The following BMERB1 variants were observed in gnomAD, a reference collection of about 807,000 sequenced individuals.
BMERB1 encodes the protein bMERB domain containing 1.
In BMERB1, 12 loss-of-function variants were observed where a neutral mutation model predicts 23.6. The observed-to-expected ratio is 0.51, with a 90% CI of 0.33 to 0.82. The LOEUF is 0.82. BMERB1 is among the 40% of genes least tolerant of loss of function. The pLI is 0.03. For missense variants in BMERB1, 247 were observed against 255.4 expected (o/e 0.97, Z 0.22); for synonymous variants, 122 against 96.6 (o/e 1.26, Z -1.54).
At position 15,434,597 on chromosome 16, in the gene BMERB1, G is replaced by C. The variant is rs980840071; in HGVS notation, c.-57G>C. On this transcript the variant is annotated 5_prime_UTR_variant, in exon 1 of 6. Coordinates refer to ENST00000300006, the MANE Select transcript of BMERB1 (RefSeq NM_033201.3). The stretch of plus-strand genomic sequence containing the variant: ...GGCTGGAGCCACCTCCCTCCCTGCA[G>C]CCCGCAACGGGAATGGAGTAAAGGG... 2.0e-6 allele frequency: 3 copies of C among 1,528,532 alleles called. No homozygotes were observed. Among genetic ancestry groups the C allele is most frequent in the Non-Finnish European group, 2.7e-6 (3 of 1,103,094 alleles). 94.7% of individuals were successfully genotyped at this position (1,528,532 alleles called of 1,614,324 possible).
intron 1 of BMERB1, among the ~76,000 whole-genome samples, chr16:15,509,330 G>GA (rs933544723): frequency 4.8e-5 from 7 of 146,914 alleles, no homozygotes; most frequent in African/African-American, 1.6e-4. Context: ...GGAGTGGAAG[G>GA]GGGGTGGGGG....
intron 3 of BMERB1, among the ~76,000 whole-genome samples, chr16:15,578,099 C>T (rs2030916319): frequency 6.6e-6 from 1 of 152,226 alleles, no homozygotes; most frequent in South Asian, 2.1e-4. Context: ...CTCATGGCTG[C>T]CTGGCTACCT....
chr16:15,561,793 T>C (rs889542703), intron 2 of BMERB1, among the ~76,000 whole-genome samples: 1 of 152,176 alleles, frequency 6.6e-6, no homozygotes, highest in Non-Finnish European at 1.5e-5. Context: ...CTTGGAAGGC[T>C]GAGGCAGGCA....
rs1245220009 is a variant in BMERB1, at chr16:15,575,975, C to T, written c.305-5242C>T. ...TTTGATTTAGTTCTAGGAAGTTGGC[C>T]CTAGGTTCCCTGCCTCCAGACCATA... On this transcript the variant is annotated intron_variant, in intron 3 of 5. Transcript: ENST00000300006. 2.0e-5 allele frequency among the ~76,000 whole-genome samples: 3 copies of T among 151,278 alleles called. No individual in the cohort carries two copies. In the East Asian group the frequency reaches 5.8e-4, roughly 29 times the overall value.
At chr16:15,572,366 CA>C (rs2030751442) in intron 3 of BMERB1, among the ~76,000 whole-genome samples, 2 of 152,314 alleles carry the variant, frequency 1.3e-5, no homozygotes, top group Admixed American at 1.3e-4. Context: ...CTTTCGTGAG[CA>C]TTTACTAGGT....
chr16:15,488,256 T>C (rs568392507), intron 1 of BMERB1, among the ~76,000 whole-genome samples: 1 of 152,342 alleles, frequency 6.6e-6, no homozygotes, highest in Non-Finnish European at 1.5e-5. Flanking sequence ...TCTGAATTTT[T>C]TGCAGTTTTC....
intron 2 of BMERB1, among the ~76,000 whole-genome samples, chr16:15,561,549 G>A (rs2030422383): frequency 6.6e-6 from 1 of 151,972 alleles, no homozygotes; most frequent in African/African-American, 2.4e-5. Context: ...GATTACAGGT[G>A]TGAGCCACCC....
intron 1 of BMERB1, among the ~76,000 whole-genome samples, chr16:15,512,196 G>A (rs1488152123): frequency 6.6e-6 from 1 of 151,994 alleles, no homozygotes; most frequent in Non-Finnish European, 1.5e-5. Context: ...GACACATCAC[G>A]GGGTAGGTAA....
At chr16:15,585,608 G>T (rs1024512499) in intron 5 of BMERB1, among the ~76,000 whole-genome samples, 1 of 152,160 alleles carries the variant, frequency 6.6e-6, no homozygotes, top group African/African-American at 2.4e-5. Context: ...AAGGTGGGCA[G>T]ATCATGAGGT....
At chr16:15,500,798 C>T (rs545771446) in intron 1 of BMERB1, among the ~76,000 whole-genome samples, 9 of 152,198 alleles carry the variant, frequency 5.9e-5, no homozygotes, top group South Asian at 2.1e-4. Context: ...ATGACAGGCA[C>T]GTGCCACCAG....
intron 2 of BMERB1, among the ~76,000 whole-genome samples, chr16:15,565,499 C>G (rs1201662481): frequency 1.3e-5 from 2 of 152,212 alleles, no homozygotes; most frequent in Non-Finnish European, 2.9e-5. Context: ...GCTTGGTCTT[C>G]TTTGCTGTTG....
Position 15,468,162 on chromosome 16 carries a change from T to TTTTTTTTTTC in BMERB1, c.106+33404_106+33405insTTTTTTTTCT, listed in dbSNP as rs57267276. 1.2e-4 allele frequency among the ~76,000 whole-genome samples: 8 copies of TTTTTTTTTTC among 64,552 alleles called. 1 individual carries two copies. Among genetic ancestry groups the TTTTTTTTTTC allele is most frequent in the Non-Finnish European group, 1.9e-4 (6 of 32,168 alleles). 42.3% of individuals were successfully genotyped at this position (64,552 alleles called of 152,430 possible). ...TTTTTTTTTTTTTTTTTTTTTTTTTTTGAGGCAGGGTCTCAGTCTGTCACC... is the reference window on the plus strand; with the variant it reads ...TTTTTTTTTTTTTTTTTTTTTTTTTTTTTTTTTTTCTGAGGCAGGGTCTCAGTCTGTCACC... On this transcript the variant is annotated intron_variant, in intron 1 of 5. Coordinates refer to ENST00000300006, the MANE Select transcript of BMERB1 (RefSeq NM_033201.3).
chr16:15,553,593 G>A (rs998479547), intron 2 of BMERB1, among the ~76,000 whole-genome samples: 5 of 152,198 alleles, frequency 3.3e-5, no homozygotes, highest in African/African-American at 9.6e-5. Flanking sequence ...CGTTCCAATA[G>A]CATGTTATTC....
rs748229986 is a variant in BMERB1 at position 15,586,863 on chromosome 16, C to A, written c.*34C>A. ...TGGGGTGCCCTGGGCCATGGGGACC[C>A]CCCCCCACCCTCTTGTCTTTATAGC... On this transcript the variant is annotated 3_prime_UTR_variant, in exon 6 of 6. Transcript: ENST00000300006. The A allele has an allele frequency of 3.6e-5, 49 of 1,353,124 alleles. No homozygotes were observed. Among genetic ancestry groups the A allele is most frequent in the Non-Finnish European group, 4.8e-5 (47 of 982,900 alleles). 83.8% of individuals were successfully genotyped at this position (1,353,124 alleles called of 1,614,324 possible). A position where few individuals can be genotyped will look rare whatever the true frequency, so the allele number is the denominator to read the frequency against.
At chr16:15,535,464 G>A (rs1452491679) in intron 2 of BMERB1, among the ~76,000 whole-genome samples, 1 of 151,908 alleles carries the variant, frequency 6.6e-6, no homozygotes, top group Non-Finnish European at 1.5e-5. Flanking sequence ...TGGCCAACAT[G>A]GTGAAACCCC....
chr16:15,440,168 T>G (rs1943803597), intron 1 of BMERB1, among the ~76,000 whole-genome samples: 1 of 144,186 alleles, frequency 6.9e-6, no homozygotes, highest in Admixed American at 7.5e-5. Context: ...TTGCTTGTAC[T>G]CAGGAGGCAG....
chr16:15,439,639 A>G (rs528125118), intron 1 of BMERB1, among the ~76,000 whole-genome samples: 4 of 152,230 alleles, frequency 2.6e-5, no homozygotes, highest in Admixed American at 2.0e-4. Flanking sequence ...GTTCAAAGTA[A>G]TTGCTCCCAG....
At chr16:15,497,671 C>T (rs1421156266) in intron 1 of BMERB1, among the ~76,000 whole-genome samples, 1 of 152,112 alleles carries the variant, frequency 6.6e-6, no homozygotes, top group Admixed American at 6.6e-5. Flanking sequence ...CCACTGTCAC[C>T]CCTCTTGCCT....
rs753412404 is a variant in BMERB1, at chr16:15,586,810, C to T, written c.596C>T (p.Thr199Ile). The T allele has an allele frequency of 2.5e-6, 4 of 1,608,612 alleles. No homozygotes were observed. Among genetic ancestry groups the T allele is most frequent in the East Asian group, 2.2e-5 (1 of 44,684 alleles). The change falls in exon 6 of 6, where the codon ACC becomes ATC. Residue 199 changes from threonine (T) to isoleucine (I), a missense_variant. Physicochemically the swap from Thr to Ile is moderately conservative, Grantham distance 89 (BLOSUM62 -1). Coordinates refer to ENST00000300006, the MANE Select transcript of BMERB1 (RefSeq NM_033201.3). ...LALIKDCCGATQCNIM is the reference protein window; with the variant it reads ...LALIKDCCGAIQCNIM ...CTGATCAAGGATTGTTGCGGGGCCA[C>T]CCAGTGCAACATCATGTAGCCCCCA...
Sources: gnomAD v4.1 joint callset for allele counts (sites outside exome capture counted in the v4.1 genomes callset) on GRCh38, gnomAD v4.1.1 for gene constraint, MANE v1.5 for transcripts, NCBI Gene and HGNC (gene_info 2026-07-23, HGNC 2026-07-21) for gene names.